The following GADL1 variants were observed in gnomAD, a reference collection of about 807,000 sequenced individuals.
The protein encoded by GADL1 is GAD like acidic amino acid decarboxylase 1.
GADL1 carries 71 observed loss-of-function variants against 69.5 expected under a neutral mutation model. That is an observed-to-expected ratio of 1.02 (90% CI 0.84 to 1.25). The LOEUF (loss-of-function observed/expected upper bound fraction) is 1.25, where lower values mean the gene tolerates loss of function less well. GADL1 is among the 50% of genes most tolerant of loss of function. The pLI, the probability that GADL1 is intolerant of heterozygous loss-of-function variation, is 0.00. For synonymous variants in GADL1, 254 were observed against 214.4 expected (o/e 1.18, Z -1.62); for missense variants, 737 against 631.8 (o/e 1.17, Z -1.79).
intron 14 of GADL1, among the ~76,000 whole-genome samples, chr3:30,740,556 G>C (rs1031440429): frequency 2.0e-5 from 3 of 152,026 alleles, no homozygotes; most frequent in East Asian, 3.9e-4. Flanking sequence ...GAACCTCTAC[G>C]TACGTCCTAA....
intron 11 of GADL1, among the ~76,000 whole-genome samples, chr3:30,802,645 C>T (rs1697186455): frequency 6.6e-6 from 1 of 152,222 alleles, no homozygotes; most frequent in Non-Finnish European, 1.5e-5. Context: ...CATAAGTTTG[C>T]TGACTTAATG....
At chr3:30,832,785 T>C (rs934758269) in intron 11 of GADL1, among the ~76,000 whole-genome samples, 1 of 152,058 alleles carries the variant, frequency 6.6e-6, no homozygotes, top group Admixed American at 6.6e-5. Context: ...ATTTTGAAAC[T>C]TAAATTTAAA....
intron 12 of GADL1, among the ~76,000 whole-genome samples, chr3:30,787,386 ACTC>A (rs1474454215): frequency 6.6e-6 from 1 of 152,032 alleles, no homozygotes; most frequent in Non-Finnish European, 1.5e-5. Context: ...TATAATATTG[ACTC>A]CTCTCTTCTA....
At chr3:30,756,882 C>A (rs1208096881) in intron 14 of GADL1, among the ~76,000 whole-genome samples, 1 of 99,198 alleles carries the variant, frequency 1.0e-5, no homozygotes, top group Non-Finnish European at 2.0e-5. Flanking sequence ...TGTGTTTAAA[C>A]CACTGGAGTT....
chr3:30,762,705 T>C (rs1696167827), intron 14 of GADL1, among the ~76,000 whole-genome samples: 1 of 152,160 alleles, frequency 6.6e-6, no homozygotes, highest in Non-Finnish European at 1.5e-5. Context: ...GTCTCCTTCA[T>C]TCTTTTTATT....
intron 12 of GADL1, among the ~76,000 whole-genome samples, chr3:30,794,325 C>G (rs899616691): frequency 2.6e-5 from 4 of 152,102 alleles, no homozygotes; most frequent in Admixed American, 6.6e-5. Flanking sequence ...TTAGACATGA[C>G]TCTTCTAGCC....
intron 14 of GADL1, among the ~76,000 whole-genome samples, chr3:30,735,169 A>G (rs1202557959): frequency 2.6e-5 from 4 of 152,112 alleles, no homozygotes; most frequent in Non-Finnish European, 5.9e-5. Flanking sequence ...AGAAAACTAA[A>G]TCTCCCATTG....
intron 14 of GADL1, among the ~76,000 whole-genome samples, chr3:30,755,993 TCACA>T (rs977018019): frequency 2.0e-5 from 3 of 152,080 alleles, no homozygotes; most frequent in Non-Finnish European, 2.9e-5. Flanking sequence ...GCTTGATAGT[TCACA>T]CAGTCACCTC....
At chr3:30,739,245 G>A (rs974991794) in intron 14 of GADL1, among the ~76,000 whole-genome samples, 3 of 152,150 alleles carry the variant, frequency 2.0e-5, no homozygotes, top group Non-Finnish European at 2.9e-5. Context: ...TTTGACCTAA[G>A]AGACATCTTG....
chr3:30,792,239 C>T (rs1440255518), intron 12 of GADL1, among the ~76,000 whole-genome samples: 1 of 152,222 alleles, frequency 6.6e-6, no homozygotes, highest in African/African-American at 2.4e-5. Flanking sequence ...AGTTTGAACA[C>T]TGCTAGGCAT....
chr3:30,798,301 A>T (rs1419220202), intron 12 of GADL1: 1 of 152,698 alleles, frequency 6.5e-6, no homozygotes, highest in Admixed American at 6.5e-5. Flanking sequence ...AAAAAGGTTT[A>T]ATTGAACTTA....
chr3:30,893,189 T>C (rs183971760), intron 1 of GADL1, among the ~76,000 whole-genome samples: 1 of 152,348 alleles, frequency 6.6e-6, no homozygotes, highest in East Asian at 1.9e-4. Context: ...GTGCTGACCC[T>C]AGAAACATTA....
At chr3:30,751,984 T>C (rs1340162767) in intron 14 of GADL1, among the ~76,000 whole-genome samples, 1 of 144,310 alleles carries the variant, frequency 6.9e-6, no homozygotes, top group African/African-American at 2.8e-5. Context: ...GACTTACTGA[T>C]GGCTGTCTAA....
chr3:30,767,353 A>C (rs1696305846), intron 14 of GADL1, among the ~76,000 whole-genome samples: 1 of 152,214 alleles, frequency 6.6e-6, no homozygotes, highest in Non-Finnish European at 1.5e-5. Context: ...ATAGAGTATT[A>C]GCAGATTTGA....
intron 9 of GADL1, among the ~76,000 whole-genome samples, chr3:30,836,788 C>A (rs1221773735): frequency 1.3e-5 from 2 of 151,990 alleles, no homozygotes; most frequent in African/African-American, 4.8e-5. Context: ...GCAGCTACAA[C>A]CTCTGATTTT....
intron 11 of GADL1, among the ~76,000 whole-genome samples, chr3:30,823,973 G>A (rs992439337): frequency 4.6e-5 from 7 of 151,712 alleles, no homozygotes; most frequent in Non-Finnish European, 8.8e-5. Context: ...ACAAAATAGA[G>A]AGTAAGAAGA....
chr3:30,834,282 C>T lies in GADL1; in HGVS notation c.904-1G>A, dbSNP rs1369465918. 1.9e-6 allele frequency: 3 copies of T among 1,611,862 alleles called. No individual in the cohort carries two copies. The highest frequency in any genetic ancestry group is 3.3e-5 in the Admixed American group (2 of 59,878). ...TCAAAGCTGAGCCACCCCAAGAAGC[C>T]TGTTGAGATATTTACAGTACCAGAA... is the stretch of plus-strand genomic sequence containing the variant. On this transcript the variant is annotated splice_acceptor_variant, in intron 9 of 14. Coordinates refer to ENST00000282538, the MANE Select transcript of GADL1 (RefSeq NM_207359.3). LOFTEE classifies it high-confidence loss of function.
chr3:30,853,239 T>C (rs529404553), intron 4 of GADL1, among the ~76,000 whole-genome samples: 17 of 152,278 alleles, frequency 1.1e-4, no homozygotes, highest in African/African-American at 2.9e-4. Flanking sequence ...TGGCTTCCCA[T>C]TGAAATCACT....
At chr3:30,882,227 A>G (rs186594770) in intron 1 of GADL1, among the ~76,000 whole-genome samples, 35 of 152,060 alleles carry the variant, frequency 2.3e-4, no homozygotes, top group South Asian at 4.1e-4. Context: ...AGTGTTAAGT[A>G]TATTCACATT....
Sources: allele counts gnomAD v4.1 joint callset (sites outside exome capture counted in the v4.1 genomes callset), GRCh38; gene constraint gnomAD v4.1.1; transcripts MANE v1.5; gene names NCBI Gene and HGNC (gene_info 2026-07-23, HGNC 2026-07-21).